Variants in PITPNC1 observed in about 807,000 individuals in gnomAD.
PITPNC1 encodes phosphatidylinositol transfer protein cytoplasmic 1.
PITPNC1 carries 18 observed loss-of-function variants against 44.7 expected under a neutral mutation model. The observed-to-expected ratio is 0.40, with a 90% CI of 0.28 to 0.60. The LOEUF (loss-of-function observed/expected upper bound fraction) is 0.60. Among genes scored for constraint, PITPNC1 ranks in the 20% least tolerant of loss-of-function variants. The pLI is 0.39. For synonymous variants in PITPNC1, 141 were observed against 149.6 expected (o/e 0.94, Z 0.42); for missense variants, 290 against 418.4 (o/e 0.69, Z 2.68).
intron 8 of PITPNC1, among the ~76,000 whole-genome samples, chr17:67,679,368 A>G (rs768589385): frequency 6.6e-6 from 1 of 152,236 alleles, no homozygotes; most frequent in Non-Finnish European, 1.5e-5. Context: ...ATGAATTAGA[A>G]AAAGGTGCCC....
intron 6 of PITPNC1, among the ~76,000 whole-genome samples, chr17:67,646,169 A>G (rs918767887): frequency 6.6e-6 from 1 of 152,232 alleles, no homozygotes; most frequent in East Asian, 1.9e-4. Flanking sequence ...GCTGTCCACC[A>G]GGTCCTCTGG....
chr17:67,560,984 G>T (rs1399061038), intron 4 of PITPNC1, among the ~76,000 whole-genome samples: 2 of 152,078 alleles, frequency 1.3e-5, no homozygotes, highest in Non-Finnish European at 2.9e-5. Flanking sequence ...TTTTCCACTT[G>T]CAGTACTGAA....
intron 5 of PITPNC1, among the ~76,000 whole-genome samples, chr17:67,610,841 A>T (rs2041677904): frequency 6.6e-6 from 1 of 151,736 alleles, no homozygotes; most frequent in Non-Finnish European, 1.5e-5. Context: ...GAATCGTTTG[A>T]ACCCGAGGGG....
intron 1 of PITPNC1, among the ~76,000 whole-genome samples, chr17:67,528,196 C>T (rs568426207): frequency 6.6e-6 from 1 of 152,252 alleles, no homozygotes; most frequent in South Asian, 2.1e-4. Context: ...CGTGCACCAC[C>T]ACATCCGGCT....
intron 5 of PITPNC1, among the ~76,000 whole-genome samples, chr17:67,622,254 C>T (rs1422555344): frequency 1.1e-5 from 1 of 94,866 alleles, no homozygotes; most frequent in Non-Finnish European, 1.8e-5. Context: ...GAGACTGCAT[C>T]TCAAAAAAAA....
chr17:67,646,152 T>C (rs1157970468), intron 6 of PITPNC1, among the ~76,000 whole-genome samples: 2 of 152,124 alleles, frequency 1.3e-5, no homozygotes, highest in Non-Finnish European at 2.9e-5. Context: ...AAAAAAAGAC[T>C]CTGGTAGCTG....
At chr17:67,558,690 A>G (rs150756046) in intron 4 of PITPNC1, among the ~76,000 whole-genome samples, 2 of 152,258 alleles carry the variant, frequency 1.3e-5, no homozygotes, top group South Asian at 2.1e-4. Context: ...AGAATCCACA[A>G]AAGAGGAGAA....
intron 5 of PITPNC1, among the ~76,000 whole-genome samples, chr17:67,626,879 T>C (rs1451274170): frequency 1.3e-5 from 2 of 152,008 alleles, no homozygotes; most frequent in African/African-American, 2.4e-5. Flanking sequence ...TAGAGTCCTC[T>C]TTGGAAAGTA....
intron 6 of PITPNC1, among the ~76,000 whole-genome samples, chr17:67,633,652 C>T (rs917317839): frequency 2.0e-5 from 3 of 152,362 alleles, no homozygotes; most frequent in Admixed American, 6.5e-5. Context: ...GTGGACCCGC[C>T]GAAGAGGGAA....
intron 7 of PITPNC1, among the ~76,000 whole-genome samples, chr17:67,670,529 C>G (rs1330414017): frequency 2.0e-5 from 3 of 152,044 alleles, no homozygotes; most frequent in South Asian, 2.1e-4. Context: ...AGGTGGATCA[C>G]TTGAGGTCAG....
rs2042968741 is a variant in PITPNC1, at chr17:67,693,818, T to A, written c.*930T>A. On this transcript the variant is annotated 3_prime_UTR_variant, in exon 9 of 9. Transcript: ENST00000581322. ...ACTGGGCTTTAACATGGTCAGAATG[T>A]CTGGTGCATGAACTATAAAAAAGAG... 6.6e-6 allele frequency: 1 copy of A among 152,232 alleles called. No individual in the cohort carries two copies. The highest frequency in any genetic ancestry group is 2.4e-5 in the African/African-American group (1 of 41,464). 9.4% of individuals were successfully genotyped at this position (152,232 alleles called of 1,614,324 possible). A position where few individuals can be genotyped will look rare whatever the true frequency, so the allele number is the denominator to read the frequency against.
intron 6 of PITPNC1, among the ~76,000 whole-genome samples, chr17:67,665,080 G>T (rs1244085301): frequency 1.3e-5 from 2 of 150,576 alleles, no homozygotes; most frequent in Non-Finnish European, 3.0e-5. Flanking sequence ...TTTGTTTTTT[G>T]GGGTTTTGTT....
At chr17:67,394,137 C>T (rs1258076388) in intron 1 of PITPNC1, among the ~76,000 whole-genome samples, 2 of 152,038 alleles carry the variant, frequency 1.3e-5, no homozygotes, top group Non-Finnish European at 2.9e-5. Context: ...CATGCCCGAC[C>T]CATCTTATTT....
chr17:67,448,128 T>A (rs1325010050), intron 1 of PITPNC1, among the ~76,000 whole-genome samples: 1 of 151,930 alleles, frequency 6.6e-6, no homozygotes, highest in East Asian at 1.9e-4. Context: ...GTATTTTTAG[T>A]AGAGACAGGG....
At chr17:67,599,460 A>T (rs1385138618) in intron 5 of PITPNC1, among the ~76,000 whole-genome samples, 1 of 152,130 alleles carries the variant, frequency 6.6e-6, no homozygotes, top group Non-Finnish European at 1.5e-5. Flanking sequence ...ACCTGGGGGA[A>T]TATTGACGTT....
intron 1 of PITPNC1, among the ~76,000 whole-genome samples, chr17:67,409,342 C>G (rs1199844029): frequency 6.6e-6 from 1 of 151,972 alleles, no homozygotes; most frequent in Non-Finnish European, 1.5e-5. Flanking sequence ...CCTCGGCCTC[C>G]CAAAGTGCTG....
rs180792350 is a variant in PITPNC1 at position 67,686,342 on chromosome 17, C to T, written c.683-6230C>T. Among the ~76,000 whole-genome samples, 150 of 150,678 alleles carry T rather than the reference C, an allele frequency of 1.0e-3. 2 individuals carry two copies. The highest frequency in any genetic ancestry group is 9.9e-3 in the Admixed American group (149 of 15,010). ...CACAAAATTGTCCCCCGTTGAGAACCACTAGATTAAGAGATCATTATCCTG... is the reference window on the plus strand; with the variant it reads ...CACAAAATTGTCCCCCGTTGAGAACTACTAGATTAAGAGATCATTATCCTG... On this transcript the variant is annotated intron_variant, in intron 8 of 8. Transcript: ENST00000581322.
chr17:67,660,259 A>C (rs1353893144), intron 6 of PITPNC1, among the ~76,000 whole-genome samples: 4 of 152,068 alleles, frequency 2.6e-5, no homozygotes, highest in Non-Finnish European at 5.9e-5. Context: ...TTTACTCTCA[A>C]TGGCATGATA....
intron 1 of PITPNC1, among the ~76,000 whole-genome samples, chr17:67,498,360 G>A (rs544290600): frequency 9.2e-5 from 14 of 152,258 alleles, no homozygotes; most frequent in Non-Finnish European, 1.5e-4. Context: ...TTGGGAGGCC[G>A]AGGCGGGCAG....
Sources: gnomAD v4.1 joint callset for allele counts (sites outside exome capture counted in the v4.1 genomes callset) on GRCh38, gnomAD v4.1.1 for gene constraint, MANE v1.5 for transcripts, NCBI Gene and HGNC (gene_info 2026-07-23, HGNC 2026-07-21) for gene names.